ZDHHC11B: variants seen among roughly 807,000 people sequenced by gnomAD.
ZDHHC11B encodes probable palmitoyltransferase ZDHHC11B.
ZDHHC11B carries 17 observed loss-of-function variants against 42.3 expected under a neutral mutation model. The ratio of observed to expected loss-of-function variants is 0.40; its 90% CI spans 0.27 to 0.60. The LOEUF is 0.60. Among genes scored for constraint, ZDHHC11B ranks in the 20% least tolerant of loss-of-function variants. The pLI is 0.41. For missense variants in ZDHHC11B, 262 were observed against 463.2 expected (o/e 0.57, Z 3.99); for synonymous variants, 123 against 193.5 (o/e 0.64, Z 3.02).
intron 1 of ZDHHC11B, among the ~76,000 whole-genome samples, chr5:774,759 T>A (rs1246468854): frequency 1.9e-5 from 1 of 53,684 alleles, no homozygotes; most frequent in African/African-American, 6.6e-5. Flanking sequence ...ACCTGGGGTC[T>A]GTCACTAGCG....
intron 6 of ZDHHC11B, among the ~76,000 whole-genome samples, chr5:753,461 C>A (rs1334913365): frequency 7.5e-6 from 1 of 132,842 alleles, no homozygotes; most frequent in East Asian, 3.0e-4. Context: ...CCCTCTCCAG[C>A]ACCCCTCCTG....
intron 1 of ZDHHC11B, among the ~76,000 whole-genome samples, chr5:782,847 A>AGT (rs577899161): frequency 1.6e-3 from 168 of 104,584 alleles, no homozygotes; most frequent in African/African-American, 5.3e-3. Context: ...AGCCACTGCC[A>AGT]GTGTGAGGCT....
chr5:765,843 C>T lies in ZDHHC11B; in HGVS notation c.222+855G>A, dbSNP rs533524727. Among the ~76,000 whole-genome samples the T allele has an allele frequency of 6.2e-4, 94 of 152,002 alleles. 6 individuals carry two copies. In the South Asian group the frequency reaches 0.018, roughly 30 times the overall value. On this transcript the variant is annotated intron_variant, in intron 4 of 13. Coordinates refer to ENST00000508859, the MANE Select transcript of ZDHHC11B (RefSeq NM_001351303.2). The stretch of plus-strand genomic sequence containing the variant: ...CGCCTTTAAGAACTGTAACACTCAC[C>T]GCGAGGGTCTGCGGCTTCATTCTTG...
chr5:744,634 G>A (rs939723716), intron 9 of ZDHHC11B, among the ~76,000 whole-genome samples: 5 of 149,126 alleles, frequency 3.4e-5, no homozygotes, highest in South Asian at 2.2e-4. Context: ...CAGCACTTTC[G>A]GAGGCCAAGG....
rs190671542 is a variant in ZDHHC11B, at chr5:718,869, G to A, written c.1059-2004C>T. Among the ~76,000 whole-genome samples the A allele has an allele frequency of 5.1e-4, 77 of 151,742 alleles. 2 individuals are homozygous for A. Among genetic ancestry groups the A allele is most frequent in the African/African-American group, 1.7e-3 (69 of 41,192 alleles). On this transcript the variant is annotated intron_variant, in intron 12 of 13. Coordinates refer to ENST00000508859, the MANE Select transcript of ZDHHC11B (RefSeq NM_001351303.2). ...TGTCAGAGTGAGCGTCAGGGACCTT[G>A]TCCTCAATAAATTTGAGGTGGTACA...
In ZDHHC11B at chr5:744,152, G is replaced by C. The variant is rs796786790; in HGVS notation, c.900+1031C>G. ...TAGTAATTGATTCCTAGGCCTTAAG[G>C]CACTGCTCACCCCTGGAGTGATATC... On this transcript the variant is annotated intron_variant, in intron 9 of 13. Coordinates refer to ENST00000508859, the MANE Select transcript of ZDHHC11B (RefSeq NM_001351303.2). Among the ~76,000 whole-genome samples, 24 of 149,824 alleles carry C rather than the reference G, an allele frequency of 1.6e-4. 1 individual carries two copies. The highest frequency in any genetic ancestry group is 8.2e-4 in the East Asian group (4 of 4,876).
At chr5:771,919 G>A (rs1163649822) in intron 1 of ZDHHC11B, among the ~76,000 whole-genome samples, 1 of 149,180 alleles carries the variant, frequency 6.7e-6, no homozygotes, top group African/African-American at 2.4e-5. Flanking sequence ...AAGGGATGAG[G>A]GAAGCCCCTC....
chr5:766,462 G>A (rs1223384387), intron 4 of ZDHHC11B, among the ~76,000 whole-genome samples: 1 of 151,894 alleles, frequency 6.6e-6, no homozygotes, highest in Non-Finnish European at 1.5e-5. Context: ...TCCACCCGAC[G>A]ATGGGCCACG....
At chr5:719,946 TG>T (rs1742059916) in intron 12 of ZDHHC11B, among the ~76,000 whole-genome samples, 1 of 151,802 alleles carries the variant, frequency 6.6e-6, no homozygotes, top group Non-Finnish European at 1.5e-5. Context: ...ATGATCCCTT[TG>T]TCCAGCATAT....
chr5:729,359 C>A (rs1307173540), intron 12 of ZDHHC11B, among the ~76,000 whole-genome samples: 1 of 151,112 alleles, frequency 6.6e-6, no homozygotes, highest in South Asian at 2.1e-4. Context: ...TAGGCCAGGA[C>A]GGCTGCAGCT....
intron 1 of ZDHHC11B, among the ~76,000 whole-genome samples, chr5:777,361 C>A (rs897080653): frequency 2.6e-5 from 4 of 151,824 alleles, no homozygotes; most frequent in South Asian, 4.2e-4. Context: ...GCGTCTGGAG[C>A]TGTTCGCTCC....
intron 4 of ZDHHC11B, among the ~76,000 whole-genome samples, chr5:764,470 C>T (rs536512188): frequency 2.0e-5 from 3 of 151,956 alleles, no homozygotes; most frequent in Non-Finnish European, 4.4e-5. Flanking sequence ...CCGGCCGGCA[C>T]TGCCGGCCCC....
At chr5:732,667 G>C (rs1389792282) in intron 11 of ZDHHC11B, 6 of 450,034 alleles carry the variant, frequency 1.3e-5, no homozygotes, top group East Asian at 7.1e-5. Flanking sequence ...AGGCGGCCCT[G>C]CCCCCACAGG....
At chr5:777,253 G>A (rs1736586487) in intron 1 of ZDHHC11B, among the ~76,000 whole-genome samples, 1 of 151,976 alleles carries the variant, frequency 6.6e-6, no homozygotes. Flanking sequence ...TCAAGGTGAC[G>A]CCTCTGGAGT....
rs569878270 is a variant in ZDHHC11B, at chr5:748,493, A to T, written c.695T>A (p.Ile232Lys). The T allele has an allele frequency of 7.8e-5, 107 of 1,364,690 alleles. 2 individuals are homozygous for T. In the African/African-American group the frequency reaches 1.4e-3, roughly 18 times the overall value. 84.5% of individuals were successfully genotyped at this position (1,364,690 alleles called of 1,614,324 possible). A position where few individuals can be genotyped will look rare whatever the true frequency, so the allele number is the denominator to read the frequency against. ...PLFPVQVQTL[I>K]VVIIRMLVLL... is the part of the protein sequence containing the mutation. ...CACGAGCATCCTGATGATCACGACT[A>T]TCAGAGTCTGCACCTGCACCGGGAA... The change falls in exon 8 of 14, where the codon ATA becomes AAA. Residue 232 changes from isoleucine to lysine, a missense_variant. Coordinates refer to ENST00000508859, the MANE Select transcript of ZDHHC11B (RefSeq NM_001351303.2).
intron 9 of ZDHHC11B, among the ~76,000 whole-genome samples, chr5:743,971 G>C (rs988119823): frequency 6.7e-6 from 1 of 149,828 alleles, no homozygotes; most frequent in Non-Finnish European, 1.5e-5. Flanking sequence ...ACCAGTAAAT[G>C]TCATGTCAGG....
intron 1 of ZDHHC11B, among the ~76,000 whole-genome samples, chr5:777,055 T>G (rs1417198780): frequency 1.3e-5 from 2 of 151,848 alleles, no homozygotes; most frequent in Non-Finnish European, 1.5e-5. Context: ...GGGTTATTGG[T>G]CTCGCTGACG....
intron 13 of ZDHHC11B, among the ~76,000 whole-genome samples, chr5:714,736 T>G (rs962319644): frequency 5.5e-4 from 74 of 134,120 alleles, no homozygotes; most frequent in African/African-American, 1.8e-3. Flanking sequence ...CCTGGGAGCT[T>G]GCTCTTTGCT....
chr5:741,915 C>CACTAGCAAAAAA (rs70955297), intron 9 of ZDHHC11B, among the ~76,000 whole-genome samples: 2 of 56,232 alleles, frequency 3.6e-5, no homozygotes, highest in Admixed American at 2.8e-4. Flanking sequence ...ATTTAACTCC[C>CACTAGCAAAAAA]ACGCAGGAGA....
Sources: gnomAD v4.1 joint callset for allele counts (sites outside exome capture counted in the v4.1 genomes callset) on GRCh38, gnomAD v4.1.1 for gene constraint, MANE v1.5 for transcripts, NCBI Gene and HGNC (gene_info 2026-07-23, HGNC 2026-07-21) for gene names.